Variants in KLHL18 observed in about 807,000 individuals in gnomAD.
KLHL18 encodes the protein kelch-like protein 18.
Under a neutral mutation model 58.5 loss-of-function variants are expected in KLHL18, and 38 were observed. That is an observed-to-expected ratio of 0.65 (90% CI 0.50 to 0.85). The LOEUF is 0.85. KLHL18 is among the 40% of genes least tolerant of loss of function. The pLI, the probability that KLHL18 is intolerant of heterozygous loss-of-function variation, is 0.00. For synonymous variants in KLHL18, 303 were observed against 301.9 expected (o/e 1.00, Z -0.04); for missense variants, 624 against 778.4 (o/e 0.80, Z 2.36).
intron 1 of KLHL18, among the ~76,000 whole-genome samples, chr3:47,306,293 G>A (rs942205911): frequency 6.6e-6 from 1 of 152,028 alleles, no homozygotes; most frequent in Non-Finnish European, 1.5e-5. Flanking sequence ...CTATTTCGAA[G>A]CATGTTGGAC....
At position 47,334,917 on chromosome 3, in the gene KLHL18, TACTGTCACC is replaced by T; in HGVS notation, c.898+101_898+109del. 2 of 1,259,010 alleles carry T rather than the reference TACTGTCACC, an allele frequency of 1.6e-6. No individual in the cohort carries two copies. The highest frequency in any genetic ancestry group is 2.2e-6 in the Non-Finnish European group (2 of 900,232). The allele number at this position is 1,259,010 out of a possible 1,614,324, so 78.0% of individuals were successfully genotyped here. Reference sequence around the variant, plus strand: ...TGGCCCTTCTGGTTTCTCTGTTTTGTACTGTCACCACCCTTGCCCCTCTTGATTTTATAC... The same window carrying T: ...TGGCCCTTCTGGTTTCTCTGTTTTGTACCCTTGCCCCTCTTGATTTTATAC... On this transcript the variant is annotated intron_variant, in intron 6 of 9. Coordinates refer to ENST00000232766, the MANE Select transcript of KLHL18 (RefSeq NM_025010.5). The surrounding 1 kb of genome is among the most constrained non-coding windows in gnomAD (Gnocchi z 4.7).
chr3:47,283,419 C>T, intron 1 of KLHL18: 1 of 357,658 alleles, frequency 2.8e-6, no homozygotes, highest in African/African-American at 2.1e-5. Flanking sequence ...GAGGCAGGGG[C>T]GGTGGCCGGC....
At chr3:47,306,376 C>T (rs1332052484) in intron 1 of KLHL18, among the ~76,000 whole-genome samples, 1 of 152,034 alleles carries the variant, frequency 6.6e-6, no homozygotes. Flanking sequence ...TTGCATAATG[C>T]AAATATCATT....
At chr3:47,319,872 C>G in intron 2 of KLHL18, 89 bp downstream of exon 2, 2 of 1,360,796 alleles carry the variant, frequency 1.5e-6, no homozygotes, top group Non-Finnish European at 1.0e-6. Flanking sequence ...TGCAGCAGGA[C>G]ACAGTGTCTA....
At chr3:47,331,685 G>A (rs191770573) in intron 4 of KLHL18, among the ~76,000 whole-genome samples, 1 of 151,310 alleles carries the variant, frequency 6.6e-6, no homozygotes, top group African/African-American at 2.4e-5. Context: ...TGCCCACCTC[G>A]GCCTCCCAAA....
chr3:47,325,318 C>T (rs1167108959), intron 3 of KLHL18, among the ~76,000 whole-genome samples: 2 of 152,168 alleles, frequency 1.3e-5, no homozygotes, highest in African/African-American at 2.4e-5. Context: ...TCGCCTCAGC[C>T]TCCCAAGTAG....
intron 1 of KLHL18, among the ~76,000 whole-genome samples, chr3:47,311,895 T>C (rs1703310671): frequency 6.6e-6 from 1 of 152,184 alleles, no homozygotes; most frequent in South Asian, 2.1e-4. Flanking sequence ...GAGTACTGCA[T>C]TTTCAGTCTT....
chr3:47,327,373 G>A (rs919087012), intron 3 of KLHL18, among the ~76,000 whole-genome samples: 5 of 152,230 alleles, frequency 3.3e-5, no homozygotes, highest in Non-Finnish European at 7.3e-5. Context: ...CAATGGCTAC[G>A]TTGATCATTG....
intron 1 of KLHL18, among the ~76,000 whole-genome samples, chr3:47,306,702 A>G (rs1311387261): frequency 6.6e-6 from 1 of 152,176 alleles, no homozygotes; most frequent in Non-Finnish European, 1.5e-5. Flanking sequence ...TCATGTTAGT[A>G]TTGGCATTAT....
intron 1 of KLHL18, among the ~76,000 whole-genome samples, chr3:47,313,123 A>G (rs1226685789): frequency 2.0e-5 from 3 of 151,160 alleles, no homozygotes; most frequent in African/African-American, 7.3e-5. Flanking sequence ...GTTAGCCAGG[A>G]TGGTCTCGAT....
At chr3:47,284,087 C>T (rs1241635776) in intron 1 of KLHL18, among the ~76,000 whole-genome samples, 1 of 152,074 alleles carries the variant, frequency 6.6e-6, no homozygotes, top group Non-Finnish European at 1.5e-5. Context: ...AAAAAATTGT[C>T]TGGGCATGGT....
In KLHL18 at chr3:47,334,719, G is replaced by A; in HGVS notation, c.798G>A (p.Met266Ile). 1 of 1,614,088 alleles carries A rather than the reference G, an allele frequency of 6.2e-7. No homozygotes were observed. The highest frequency in any genetic ancestry group is 8.5e-7 in the Non-Finnish European group (1 of 1,180,012). Residue 266 changes from methionine to isoleucine, a missense_variant, in exon 6 of 10, where the codon ATG (methionine) becomes ATA (isoleucine). Transcript: ENST00000232766. The surrounding 1 kb of genome is among the most constrained non-coding windows in gnomAD (Gnocchi z 4.7). ...LVDEAKDYHLMPERRPHLPAF... is the reference protein window; with the variant it reads ...LVDEAKDYHLIPERRPHLPAF... ...ACGAAGCAAAGGACTACCACCTCAT[G>A]CCAGAGCGCCGGCCCCACCTGCCAG...
intron 1 of KLHL18, among the ~76,000 whole-genome samples, chr3:47,304,113 C>T (rs568645928): frequency 2.3e-4 from 35 of 152,320 alleles, no homozygotes; most frequent in Admixed American, 5.2e-4. Flanking sequence ...CAATGTTGAA[C>T]ATCTTTTCAT....
intron 5 of KLHL18, among the ~76,000 whole-genome samples, chr3:47,333,600 A>G (rs536409037): frequency 6.6e-6 from 1 of 152,354 alleles, no homozygotes; most frequent in South Asian, 2.1e-4. Context: ...CCACTGAGCT[A>G]TTTATGAATG....
chr3:47,329,851 T>A, intron 3 of KLHL18, 100 bp from the exon 4 acceptor site: 3 of 944,182 alleles, frequency 3.2e-6, no homozygotes, highest in Non-Finnish European at 5.0e-6. Flanking sequence ...AGGTTAAGAA[T>A]TTGTTTTCAT....
At chr3:47,318,725 AGTT>A (rs1268745823) in intron 1 of KLHL18, among the ~76,000 whole-genome samples, 7 of 152,352 alleles carry the variant, frequency 4.6e-5, no homozygotes, top group African/African-American at 1.2e-4. Flanking sequence ...AGAGACTGCT[AGTT>A]GTTGTTTTTT....
intron 1 of KLHL18, among the ~76,000 whole-genome samples, chr3:47,312,114 A>G (rs1283433259): frequency 1.3e-5 from 2 of 152,222 alleles, no homozygotes; most frequent in Non-Finnish European, 2.9e-5. Context: ...TGCTTCGTAG[A>G]TGCTATTCAT....
intron 1 of KLHL18, among the ~76,000 whole-genome samples, chr3:47,308,997 A>C (rs868600449): frequency 2.2e-4 from 34 of 152,298 alleles, no homozygotes; most frequent in Admixed American, 1.4e-3. Context: ...GCCTTCAAGC[A>C]TCTGTTTAAC....
At chr3:47,329,821 T>C in intron 3 of KLHL18, 130 bp from the exon 4 acceptor site, 3 of 720,822 alleles carry the variant, frequency 4.2e-6, no homozygotes, top group Non-Finnish European at 7.0e-6. Flanking sequence ...CCCAGAGAAA[T>C]ACAGTTTCCA....
Sources: allele counts gnomAD v4.1 joint callset (sites outside exome capture counted in the v4.1 genomes callset), GRCh38; gene constraint gnomAD v4.1.1; non-coding constraint Gnocchi (gnomAD v3.1); transcripts MANE v1.5; gene names NCBI Gene and HGNC (gene_info 2026-07-23, HGNC 2026-07-21).